PTX3: variants seen among roughly 807,000 people sequenced by gnomAD.
PTX3 encodes pentraxin 3.
A neutral mutation model predicts 23.5 loss-of-function variants in PTX3; 24 were observed. That is an observed-to-expected ratio of 1.02 (90% CI 0.74 to 1.43). PTX3 has a LOEUF of 1.43. Ranked by LOEUF, PTX3 falls within the 40% of genes most tolerant of loss-of-function variation. The pLI, the probability that PTX3 is intolerant of heterozygous loss-of-function variation, is 0.00. For synonymous variants in PTX3, 218 were observed against 205.4 expected (o/e 1.06, Z -0.53); for missense variants, 510 against 497.5 (o/e 1.02, Z -0.24).
Position 157,442,894 on chromosome 3 carries a change from C to G in PTX3, c.1061C>G (p.Ala354Gly), listed in dbSNP as rs759525316. 4 of 1,614,148 alleles carry G rather than the reference C, an allele frequency of 2.5e-6. No individual in the cohort carries two copies. The South Asian group carries it at 4.4e-5, about 18-fold the overall frequency. The change falls in exon 3 of 3, where the codon GCA (alanine) becomes GGA (glycine). Residue 354 changes from alanine (A) to glycine (G), a missense_variant. Physicochemically the swap from Ala to Gly is moderately conservative, Grantham distance 60. Coordinates refer to ENST00000295927, the MANE Select transcript of PTX3 (RefSeq NM_002852.4). ...SNEEIRETGG[A>G]ESCHIRGNIV... is the part of the protein sequence containing the mutation. ...GAAGAGATAAGAGAGACCGGAGGAG[C>G]AGAGTCTTGTCACATCCGGGGGAAT...
At chr3:157,439,893 G>A (rs1464658141) in intron 2 of PTX3, among the ~76,000 whole-genome samples, 1 of 152,138 alleles carries the variant, frequency 6.6e-6, no homozygotes, top group Non-Finnish European at 1.5e-5. Context: ...TGGGACTACA[G>A]GTGCTCGCCA....
chr3:157,439,349 T>G (rs994865863), intron 2 of PTX3, among the ~76,000 whole-genome samples: 1 of 152,228 alleles, frequency 6.6e-6, no homozygotes, highest in African/African-American at 2.4e-5. Context: ...CCAATAATAC[T>G]TTTACCCATA....
chr3:157,437,779 C>A lies in PTX3; in HGVS notation c.397C>A (p.Arg133Ser). ...ATRDAGRRLA[R>S]MEGAEAQRPE... ...CCGCGACGCGGGCCGCAGGCTGGCG[C>A]GTATGGAGGGCGCGGAGGCGCAGCG... Residue 133 changes from arginine to serine, a missense_variant, in exon 2 of 3, where the codon CGT (arginine) becomes AGT (serine). Transcript: ENST00000295927. The A allele has an allele frequency of 6.8e-7, 1 of 1,476,064 alleles. No individual in the cohort carries two copies. The allele number at this position is 1,476,064 out of a possible 1,614,324, so 91.4% of individuals were successfully genotyped here. A position where few individuals can be genotyped will look rare whatever the true frequency, so the allele number is the denominator to read the frequency against.
Position 157,436,885 on chromosome 3 carries a change from G to A in PTX3, c.-49G>A, listed in dbSNP as rs779979127. On this transcript the variant is annotated 5_prime_UTR_variant, in exon 1 of 3. Transcript: ENST00000295927. ...TCCTCCGCTCAAACTCAGCTCACTTGAGAGTCTCCTCCCGCCAGCTGTGGA... is the reference window on the plus strand; with the variant it reads ...TCCTCCGCTCAAACTCAGCTCACTTAAGAGTCTCCTCCCGCCAGCTGTGGA... The A allele has an allele frequency of 1.9e-6, 3 of 1,598,472 alleles. No individual in the cohort carries two copies. Among genetic ancestry groups the A allele is most frequent in the Non-Finnish European group, 2.6e-6 (3 of 1,170,782 alleles).
chr3:157,437,451 T>C (rs1733691294), intron 1 of PTX3, 62 bp from the exon 2 acceptor site: 19 of 1,553,072 alleles, frequency 1.2e-5, no homozygotes, highest in Middle Eastern at 2.2e-4. Flanking sequence ...GGTCAGCTTT[T>C]ACAAAGCACA....
intron 1 of PTX3, 34 bp downstream of exon 1, chr3:157,437,097 T>C: frequency 6.2e-7 from 1 of 1,606,868 alleles, no homozygotes; most frequent in Non-Finnish European, 8.5e-7. Flanking sequence ...CTGCTAACCC[T>C]GACTACATAT....
chr3:157,438,021 G>C (rs1016683883), intron 2 of PTX3, 107 bp downstream of exon 2: 2 of 651,344 alleles, frequency 3.1e-6, no homozygotes, highest in African/African-American at 5.6e-5. Flanking sequence ...TTCATGGGAA[G>C]CGCGCGCGCG....
intron 1 of PTX3, 116 bp downstream of exon 1, chr3:157,437,179 A>T (rs927522387): frequency 1.8e-5 from 25 of 1,374,248 alleles, no homozygotes; most frequent in Non-Finnish European, 2.4e-5. Context: ...ATAGCTTGTT[A>T]TGCAAAAGTG....
In PTX3 at chr3:157,443,256, A is replaced by G. The variant is rs1734281341; in HGVS notation, c.*277A>G. 1 of 342,588 alleles carries G rather than the reference A, an allele frequency of 2.9e-6. No individual in the cohort carries two copies. The highest frequency in any genetic ancestry group is 2.1e-5 in the African/African-American group (1 of 48,156). 21.2% of individuals were successfully genotyped at this position (342,588 alleles called of 1,614,324 possible). On this transcript the variant is annotated 3_prime_UTR_variant, in exon 3 of 3. Coordinates refer to ENST00000295927, the MANE Select transcript of PTX3 (RefSeq NM_002852.4). Reference sequence around the variant, plus strand: ...TCAGATAAACTCTCAAATAATTAAAAAGGACTGTATTGTTGAACAGAGGGA... The same window carrying G: ...TCAGATAAACTCTCAAATAATTAAAGAGGACTGTATTGTTGAACAGAGGGA...
At chr3:157,440,494 T>C (rs1040413243) in intron 2 of PTX3, among the ~76,000 whole-genome samples, 2 of 152,152 alleles carry the variant, frequency 1.3e-5, no homozygotes, top group African/African-American at 4.8e-5. Flanking sequence ...TTCTGGGAGT[T>C]TGCTTTTCAA....
chr3:157,440,095 T>C (rs1035782257), intron 2 of PTX3, among the ~76,000 whole-genome samples: 2 of 152,186 alleles, frequency 1.3e-5, no homozygotes, highest in Non-Finnish European at 2.9e-5. Context: ...ATATGGTGAT[T>C]TTTTTCAGTG....
At position 157,437,049 on chromosome 3, in the gene PTX3, AT is replaced by A; in HGVS notation, c.117del (p.Thr41LeufsTer28). 1 of 1,614,004 alleles carries A rather than the reference AT, an allele frequency of 6.2e-7. No individual in the cohort carries two copies. Among genetic ancestry groups the A allele is most frequent in the South Asian group, 1.1e-5 (1 of 91,070 alleles). ...NLDNEIDNGL[H>X]PTEDPTPCAC... ...GACAACGAAATAGACAATGGACTCCATCCCACTGAGGACCGTAAGTTCACTT... is the reference window on the plus strand; with the variant it reads ...GACAACGAAATAGACAATGGACTCCACCCACTGAGGACCGTAAGTTCACTT... On this transcript the variant is annotated frameshift_variant, in exon 1 of 3. Coordinates refer to ENST00000295927, the MANE Select transcript of PTX3 (RefSeq NM_002852.4). LOFTEE classifies it high-confidence loss of function.
intron 2 of PTX3, among the ~76,000 whole-genome samples, chr3:157,438,716 G>A (rs1182289564): frequency 6.6e-6 from 1 of 152,188 alleles, no homozygotes; most frequent in Non-Finnish European, 1.5e-5. Flanking sequence ...GACACTCCAT[G>A]AATCTCCAAA....
Position 157,442,926 on chromosome 3 carries a change from G to T in PTX3, c.1093G>T (p.Gly365Trp). The T allele has an allele frequency of 6.2e-7, 1 of 1,614,014 alleles. No individual in the cohort carries two copies. Among genetic ancestry groups the T allele is most frequent in the Non-Finnish European group, 8.5e-7 (1 of 1,179,906 alleles). Residue 365 changes from glycine to tryptophan, a missense_variant, in exon 3 of 3, where the codon GGG becomes TGG. Gly to Trp is a radical substitution (Grantham distance 184, BLOSUM62 -2). Coordinates refer to ENST00000295927, the MANE Select transcript of PTX3 (RefSeq NM_002852.4). ...ESCHIRGNIV[G>W]WGVTEIQPHG... is the part of the protein sequence containing the mutation. ...TTGTCACATCCGGGGGAATATTGTT[G>T]GGTGGGGAGTCACAGAGATCCAGCC...
In PTX3 at chr3:157,437,781, T is replaced by A; in HGVS notation, c.399T>A (p.Arg133=). 6.8e-7 allele frequency: 1 copy of A among 1,474,742 alleles called. No individual in the cohort carries two copies. Among genetic ancestry groups the A allele is most frequent in the Non-Finnish European group, 8.9e-7 (1 of 1,124,590 alleles). 91.4% of individuals were successfully genotyped at this position (1,474,742 alleles called of 1,614,324 possible). Residue 133 remains arginine, a synonymous_variant, in exon 2 of 3, where the codon CGT becomes CGA. Coordinates refer to ENST00000295927, the MANE Select transcript of PTX3 (RefSeq NM_002852.4). Reference sequence around the variant, plus strand: ...GCGACGCGGGCCGCAGGCTGGCGCGTATGGAGGGCGCGGAGGCGCAGCGCC... The same window carrying A: ...GCGACGCGGGCCGCAGGCTGGCGCGAATGGAGGGCGCGGAGGCGCAGCGCC... The part of the protein sequence containing the change: ...ATRDAGRRLA[R]MEGAEAQRPE...
rs1221528428 is a variant in PTX3, at chr3:157,437,798, C to A, written c.416C>A (p.Ala139Glu). 1 of 1,461,814 alleles carries A rather than the reference C, an allele frequency of 6.8e-7. No homozygotes were observed. The highest frequency in any genetic ancestry group is 1.4e-5 in the South Asian group (1 of 73,378). 90.6% of individuals were successfully genotyped at this position (1,461,814 alleles called of 1,614,324 possible). Residue 139 changes from alanine (A) to glutamate (E), a missense_variant, in exon 2 of 3, where the codon GCG (alanine) becomes GAG (glutamate). Ala to Glu is a moderately radical substitution (Grantham distance 107). Coordinates refer to ENST00000295927, the MANE Select transcript of PTX3 (RefSeq NM_002852.4). ...RRLARMEGAE[A>E]QRPEEAGRAL... ...CTGGCGCGTATGGAGGGCGCGGAGG[C>A]GCAGCGCCCAGAGGAGGCGGGGCGC...
In PTX3 at chr3:157,438,033, G is replaced by A. The variant is rs1283452665; in HGVS notation, c.532+119G>A. On this transcript the variant is annotated intron_variant, in intron 2 of 2. Transcript: ENST00000295927. ...GCTTTCATGGGAAGCGCGCGCGCGC[G>A]CGCGCACACACACACACACACACAC... is the stretch of plus-strand genomic sequence containing the variant. 2,568 of 793,646 alleles carry A rather than the reference G, an allele frequency of 3.2e-3. 39 individuals carry two copies. The African/African-American group carries it at 0.044, about 14-fold the overall frequency. The allele number at this position is 793,646 out of a possible 1,614,324, so 49.2% of individuals were successfully genotyped here. A position where few individuals can be genotyped will look rare whatever the true frequency, so the allele number is the denominator to read the frequency against.
Position 157,442,780 on chromosome 3 carries a change from G to A in PTX3, c.947G>A (p.Gly316Asp), listed in dbSNP as rs1560066140. 6.2e-7 allele frequency: 1 copy of A among 1,614,104 alleles called. No homozygotes were observed. The highest frequency in any genetic ancestry group is 1.3e-5 in the African/African-American group (1 of 74,932). The change falls in exon 3 of 3, where the codon GGC becomes GAC. Residue 316 changes from glycine (G) to aspartate (D), a missense_variant. Coordinates refer to ENST00000295927, the MANE Select transcript of PTX3 (RefSeq NM_002852.4). ...GILQIGQEKN[G>D]CCVGGGFDET... ...CTGCAGATTGGCCAAGAAAAGAATG[G>A]CTGCTGTGTGGGTGGTGGCTTTGAT...
chr3:157,439,451 G>C (rs989137580), intron 2 of PTX3, among the ~76,000 whole-genome samples: 9 of 152,144 alleles, frequency 5.9e-5, no homozygotes, highest in Non-Finnish European at 1.3e-4. Flanking sequence ...AATTTTGTTT[G>C]GTCTTTGATA....
Sources: allele counts gnomAD v4.1 joint callset (sites outside exome capture counted in the v4.1 genomes callset), GRCh38; gene constraint gnomAD v4.1.1; transcripts MANE v1.5; gene names NCBI Gene and HGNC (gene_info 2026-07-23, HGNC 2026-07-21).